Variants in WDR88 observed in about 807,000 individuals in gnomAD.
WDR88 encodes WD repeat domain 88, also known as WD repeat-containing protein 88.
Under a neutral mutation model 46.8 loss-of-function variants are expected in WDR88, and 40 were observed. That is an observed-to-expected ratio of 0.86 (90% confidence interval 0.66 to 1.11). WDR88 has a LOEUF of 1.11. WDR88 is among the 50% of genes most tolerant of loss of function. WDR88 has a pLI of 0.00. For synonymous variants in WDR88, 235 were observed against 240.7 expected (o/e 0.98, Z 0.22); for missense variants, 562 against 602.4 (o/e 0.93, Z 0.70).
chr19:33,154,492 G>A (rs1437878295), intron 6 of WDR88, among the ~76,000 whole-genome samples: 1 of 152,050 alleles, frequency 6.6e-6, no homozygotes, highest in Admixed American at 6.6e-5. Flanking sequence ...TTCTGTTCCT[G>A]TGTTAGTTTG....
In WDR88 at chr19:33,157,335, A is replaced by G. The variant is rs183219467; in HGVS notation, c.997+793A>G. ...AACATGGTGAAACCCCATCTCTACT[A>G]AAAAATACAAAAATTAGCCAGGTGT... On this transcript the variant is annotated intron_variant, in intron 7 of 10. Coordinates refer to ENST00000355868, the MANE Select transcript of WDR88 (RefSeq NM_173479.4). Among the ~76,000 whole-genome samples, 912 of 151,490 alleles carry G rather than the reference A, an allele frequency of 6.0e-3. 9 individuals are homozygous for G. Among genetic ancestry groups the G allele is most frequent in the Middle Eastern group, 0.014 (4 of 294 alleles).
rs1974095645 is a variant in WDR88, at chr19:33,174,751, ACT to A, written c.1243-643_1243-642del. 3 of 985,044 alleles carry A rather than the reference ACT, an allele frequency of 3.0e-6. No individual in the cohort carries two copies. In the South Asian group the frequency reaches 1.4e-4, roughly 46 times the overall value. The allele number at this position is 985,044 out of a possible 1,614,324, so 61.0% of individuals were successfully genotyped here. A position where few individuals can be genotyped will look rare whatever the true frequency, so the allele number is the denominator to read the frequency against. On this transcript the variant is annotated intron_variant, in intron 10 of 10. Coordinates refer to ENST00000355868, the MANE Select transcript of WDR88 (RefSeq NM_173479.4). ...CACAGAACAATGGATGGGGCGGGAC[ACT>A]CACCCCCATCCTCCCAACTGTCAAG...
intron 9 of WDR88, among the ~76,000 whole-genome samples, chr19:33,172,068 A>G (rs904799997): frequency 2.6e-5 from 4 of 152,204 alleles, no homozygotes; most frequent in African/African-American, 9.6e-5. Context: ...CTGGCCATAC[A>G]GAATAGTTTT....
intron 6 of WDR88, among the ~76,000 whole-genome samples, chr19:33,152,387 G>T (rs1973653425): frequency 6.6e-6 from 1 of 152,016 alleles, no homozygotes; most frequent in African/African-American, 2.4e-5. Context: ...TCAGACAGAA[G>T]CTCTTACCCG....
At chr19:33,133,157 G>GAATGAATA (rs1555723178) in intron 1 of WDR88, among the ~76,000 whole-genome samples, 8 of 105,718 alleles carry the variant, frequency 7.6e-5, no homozygotes, top group African/African-American at 2.2e-4. Flanking sequence ...ACTGTCTCCA[G>GAATGAATA]AATAAATAAA....
chr19:33,141,343 C>T (rs1177309735), intron 2 of WDR88, among the ~76,000 whole-genome samples: 3 of 150,858 alleles, frequency 2.0e-5, no homozygotes, highest in Admixed American at 6.7e-5. Flanking sequence ...GATCCTCCCA[C>T]CTCAGCCTCC....
At chr19:33,164,298 G>T in intron 9 of WDR88, 33 bp downstream of exon 9, 1 of 1,594,632 alleles carries the variant, frequency 6.3e-7, no homozygotes, top group Non-Finnish European at 8.6e-7. Flanking sequence ...TATCGATCAC[G>T]TTCGCCAGGA....
intron 6 of WDR88, among the ~76,000 whole-genome samples, chr19:33,154,839 TG>T (rs201247617): frequency 6.6e-6 from 1 of 152,166 alleles, no homozygotes; most frequent in East Asian, 1.9e-4. Flanking sequence ...TTATCCCGGA[TG>T]GCCCTGCGAA....
chr19:33,137,579 G>A (rs1973299195), intron 1 of WDR88, 98 bp from the exon 2 acceptor site: 2 of 1,094,626 alleles, frequency 1.8e-6, no homozygotes, highest in Admixed American at 2.3e-5. Flanking sequence ...TTTTTTTCCG[G>A]GTGGTTTATT....
intron 5 of WDR88, among the ~76,000 whole-genome samples, chr19:33,149,388 T>C (rs1272149682): frequency 6.6e-6 from 1 of 151,808 alleles, no homozygotes; most frequent in East Asian, 1.9e-4. Context: ...CTGATCCTCT[T>C]CAGTTAATGC....
At position 33,148,834 on chromosome 19, in the gene WDR88, G is replaced by A; in HGVS notation, c.603G>A (p.Val201=). 1 of 1,614,070 alleles carries A rather than the reference G, an allele frequency of 6.2e-7. No individual in the cohort carries two copies. Among genetic ancestry groups the A allele is most frequent in the Non-Finnish European group, 8.5e-7 (1 of 1,180,030 alleles). The part of the protein sequence containing the change: ...SCKFSPDGKY[V]VSGFDVDHGI... ...AGTTTTCTCCTGATGGTAAATACGT[G>A]GTCTCAGGCTTCGACGTGGATCATG... The change falls in exon 5 of 11, where the codon GTG becomes GTA. Residue 201 remains valine, a synonymous_variant. Coordinates refer to ENST00000355868, the MANE Select transcript of WDR88 (RefSeq NM_173479.4).
intron 1 of WDR88, among the ~76,000 whole-genome samples, chr19:33,133,660 C>A (rs981230562): frequency 6.6e-6 from 1 of 152,350 alleles, no homozygotes; most frequent in Middle Eastern, 3.4e-3. Context: ...GGCTTCCCAG[C>A]ATGTTTAAGA....
intron 2 of WDR88, among the ~76,000 whole-genome samples, chr19:33,139,897 C>T (rs890881550): frequency 7.2e-5 from 11 of 152,112 alleles, no homozygotes; most frequent in Admixed American, 3.9e-4. Flanking sequence ...GTGGACCCCA[C>T]GTTTAGGACT....
At chr19:33,164,442 A>G (rs1973921760) in intron 9 of WDR88, among the ~76,000 whole-genome samples, 177 bp downstream of exon 9, 1 of 152,242 alleles carries the variant, frequency 6.6e-6, no homozygotes. Flanking sequence ...CGCAAACGCG[A>G]TGAGTTTGGA....
intron 5 of WDR88, 58 bp from the exon 6 acceptor site, chr19:33,151,123 C>A (rs990442392): frequency 1.7e-5 from 26 of 1,571,318 alleles, no homozygotes; most frequent in Non-Finnish European, 2.1e-5. Context: ...TCGTGGGAGT[C>A]CTCCAGCCCA....
At chr19:33,171,639 G>T (rs907837597) in intron 9 of WDR88, among the ~76,000 whole-genome samples, 2 of 152,092 alleles carry the variant, frequency 1.3e-5, no homozygotes, top group Non-Finnish European at 2.9e-5. Flanking sequence ...TAAAATCTAG[G>T]TATCAACAGG....
Position 33,144,845 on chromosome 19 carries a change from A to G in WDR88, c.389A>G (p.Asp130Gly). ...GSYDCTVKLWDPVDGSVVRDF... is the reference protein window; with the variant it reads ...GSYDCTVKLWGPVDGSVVRDF... ...TCCTCTCTCTCCCGTTGATTTGAGG[A>G]TCCGGTGGACGGTTCTGTGGTTCGC... Residue 130 changes from aspartate to glycine, a missense_variant and splice_region_variant, in exon 3 of 11, where the codon GAT becomes GGT. Transcript: ENST00000355868. The G allele has an allele frequency of 6.2e-7, 1 of 1,613,502 alleles. No individual in the cohort carries two copies. Among genetic ancestry groups the G allele is most frequent in the Non-Finnish European group, 8.5e-7 (1 of 1,179,834 alleles).
At chr19:33,134,771 C>G (rs1467818676) in intron 1 of WDR88, among the ~76,000 whole-genome samples, 1 of 151,890 alleles carries the variant, frequency 6.6e-6, no homozygotes, top group Admixed American at 6.6e-5. Flanking sequence ...CCAGTGTCCT[C>G]GTGTCCCCGA....
chr19:33,167,197 A>T (rs1214341663), intron 9 of WDR88, among the ~76,000 whole-genome samples: 1 of 152,220 alleles, frequency 6.6e-6, no homozygotes, highest in Non-Finnish European at 1.5e-5. Flanking sequence ...CCAACAGTAC[A>T]TTAAAAGGAT....
Sources: allele counts gnomAD v4.1 joint callset (sites outside exome capture counted in the v4.1 genomes callset), GRCh38; gene constraint gnomAD v4.1.1; transcripts MANE v1.5; gene names NCBI Gene and HGNC (gene_info 2026-07-23, HGNC 2026-07-21).